C4orf50: variants seen among roughly 807,000 people sequenced by gnomAD.
The protein encoded by C4orf50 is chromosome 4 open reading frame 50, also known as uncharacterized protein C4orf50.
A neutral mutation model predicts 77.2 loss-of-function variants in C4orf50; 80 were observed. The observed-to-expected ratio is 1.04, with a 90% confidence interval of 0.87 to 1.25. The LOEUF (loss-of-function observed/expected upper bound fraction) is 1.25, where lower values mean the gene tolerates loss of function less well. Among genes scored for constraint, C4orf50 ranks in the 50% most tolerant of loss-of-function variants. C4orf50 has a pLI of 0.00. For missense variants in C4orf50, 1,257 were observed against 1,152.9 expected, an observed-to-expected ratio of 1.09 and a Z score of -1.31; for synonymous variants, 532 against 465.3, an observed-to-expected ratio of 1.14 and a Z score of -1.84.
intron 7 of C4orf50, among the ~76,000 whole-genome samples, chr4:5,915,738 C>A (rs553737875): frequency 3.9e-4 from 60 of 152,334 alleles, no homozygotes; most frequent in African/African-American, 1.3e-3. Context: ...GTAATAAACA[C>A]GTGCTCGTTT....
chr4:5,946,149 C>T (rs749256425), intron 7 of C4orf50, among the ~76,000 whole-genome samples: 2 of 152,212 alleles, frequency 1.3e-5, no homozygotes, highest in South Asian at 2.1e-4. Context: ...CTGCTTCCCA[C>T]GCTTGCCACC....
chr4:5,954,447 T>C (rs1718862201), downstream of C4orf50, among the ~76,000 whole-genome samples: 1 of 151,810 alleles, frequency 6.6e-6, no homozygotes, highest in Non-Finnish European at 1.5e-5. The surrounding 1 kb of genome is among the most constrained non-coding windows in gnomAD (Gnocchi z 4.7). Flanking sequence ...CAGGGAGCAA[T>C]GGGCTGAGAT....
chr4:6,003,880 G>GAT lies in C4orf50; in HGVS notation c.963+4115_963+4116insAT, dbSNP rs1721994751. 2.0e-4 allele frequency among the ~76,000 whole-genome samples: 26 copies of GAT among 132,654 alleles called. 1 individual carries two copies. Among genetic ancestry groups the GAT allele is most frequent in the African/African-American group, 7.2e-4 (26 of 35,898 alleles). The allele number at this position is 132,654 out of a possible 152,430, so 87.0% of individuals were successfully genotyped here. On this transcript the variant is annotated intron_variant, in intron 25 of 33. Coordinates refer to ENST00000531445, the Ensembl canonical transcript of C4orf50. Reference sequence around the variant, plus strand: ...TGATGGTGATGGTGATGATGGTGATGGTGATTATGGTGATGATGTGATGGT... The same window carrying GAT: ...TGATGGTGATGGTGATGATGGTGATGATGTGATTATGGTGATGATGTGATGGT...
chr4:5,965,043 G>A, exon 33 of C4orf50: 3 of 1,613,066 alleles, frequency 1.9e-6, no homozygotes, highest in African/African-American at 2.7e-5. Flanking sequence ...ATCCAGTTGG[G>A]CTGTCTGTGC....
chr4:5,966,373 G>A (rs1422778484), intron 32 of C4orf50, among the ~76,000 whole-genome samples: 3 of 152,000 alleles, frequency 2.0e-5, no homozygotes, highest in Non-Finnish European at 4.4e-5. Context: ...TACTCGGGAG[G>A]CTGAGGCAAG....
At chr4:5,899,896 A>G (rs961882652) in intron 7 of C4orf50, 1 of 152,350 alleles carries the variant, frequency 6.6e-6, no homozygotes, top group East Asian at 1.9e-4. Context: ...AAGAATCATC[A>G]GTACAGAATG....
At chr4:5,994,523 A>T in intron 25 of C4orf50, 47 bp from the exon 4 acceptor site, 1 of 399,144 alleles carries the variant, frequency 2.5e-6, no homozygotes, top group East Asian at 3.6e-5. Context: ...TCCTGGCTGA[A>T]GTGTGTACTC....
chr4:5,918,536 G>A (rs1164148493), intron 7 of C4orf50, among the ~76,000 whole-genome samples: 1 of 152,194 alleles, frequency 6.6e-6, no homozygotes, highest in Non-Finnish European at 1.5e-5. Flanking sequence ...TCCAGCCACA[G>A]TGGCTGCAGC....
chr4:5,934,708 C>T (rs560977191), intron 7 of C4orf50, among the ~76,000 whole-genome samples: 3 of 152,344 alleles, frequency 2.0e-5, no homozygotes, highest in African/African-American at 7.2e-5. Context: ...GGCCCGTGAG[C>T]TCCTGAAGCC....
intron 25 of C4orf50, among the ~76,000 whole-genome samples, chr4:6,004,402 ATGGAGATGT>A (rs199623909): frequency 0.012 from 1,113 of 93,444 alleles, 4 homozygotes; most frequent in East Asian, 0.035. Flanking sequence ...GGTGATGGTG[ATGGAGATGT>A]TGGTGATGAT....
intron 7 of C4orf50, among the ~76,000 whole-genome samples, chr4:5,944,755 G>A (rs1265377434): frequency 1.3e-5 from 2 of 152,150 alleles, no homozygotes; most frequent in East Asian, 3.9e-4. Flanking sequence ...GAAGAGGGCA[G>A]CTGGGACAGG....
Position 5,970,222 on chromosome 4 carries a change from G to A in C4orf50, c.4105-2760C>T, listed in dbSNP as rs1197983461. Among the ~76,000 whole-genome samples, 1 of 151,950 alleles carries A rather than the reference G, an allele frequency of 6.6e-6. No individual in the cohort carries two copies. The highest frequency in any genetic ancestry group is 6.6e-5 in the Admixed American group (1 of 15,266). On this transcript the variant is annotated intron_variant, in intron 31 of 33. Coordinates refer to ENST00000531445, the Ensembl canonical transcript of C4orf50. The surrounding 1 kb of genome is among the most constrained non-coding windows in gnomAD (Gnocchi z 4.3). ...GGAAGCAAAACAGGCCCAGGAAGGT[G>A]CCCTGAGCCCTGCTCACTCAAGGCG...
intron 28 of C4orf50, among the ~76,000 whole-genome samples, chr4:5,985,024 A>G (rs905887842): frequency 2.0e-4 from 30 of 152,188 alleles, no homozygotes; most frequent in African/African-American, 7.2e-4. Context: ...AAAAACAATG[A>G]CAATTATGAC....
At chr4:5,984,163 A>T (rs567113131) in intron 28 of C4orf50, among the ~76,000 whole-genome samples, 1 of 152,380 alleles carries the variant, frequency 6.6e-6, no homozygotes, top group East Asian at 1.9e-4. Context: ...GGCCTACACA[A>T]GAATAAGATG....
chr4:5,961,627 C>T (rs1472384711), intron 33 of C4orf50, among the ~76,000 whole-genome samples: 2 of 152,188 alleles, frequency 1.3e-5, no homozygotes, highest in East Asian at 3.9e-4. Context: ...AGATTTGAAC[C>T]CAGGCCATAC....
At chr4:5,921,540 C>A (rs1464594438) in intron 7 of C4orf50, among the ~76,000 whole-genome samples, 10 of 152,096 alleles carry the variant, frequency 6.6e-5, no homozygotes, top group Non-Finnish European at 1.5e-4. Flanking sequence ...ACAGACCCTG[C>A]CAGCATCAAA....
intron 33 of C4orf50, among the ~76,000 whole-genome samples, chr4:5,961,178 G>C (rs958279572): frequency 6.6e-6 from 1 of 152,198 alleles, no homozygotes. Flanking sequence ...AGCTAGGTGT[G>C]GTGGTGCACA....
chr4:5,920,828 C>T (rs1189498497), intron 7 of C4orf50, among the ~76,000 whole-genome samples: 5 of 152,184 alleles, frequency 3.3e-5, no homozygotes, highest in Non-Finnish European at 7.3e-5. Context: ...AGAGCAAACG[C>T]AAACAACTCC....
chr4:5,936,356 G>C (rs1718013207), intron 7 of C4orf50, among the ~76,000 whole-genome samples: 1 of 152,122 alleles, frequency 6.6e-6, no homozygotes, highest in East Asian at 1.9e-4. Context: ...GAAGTCAGGA[G>C]TTGGAGACCA....
Sources: gnomAD v4.1 joint callset for allele counts (sites outside exome capture counted in the v4.1 genomes callset) on GRCh38, gnomAD v4.1.1 for gene constraint, Gnocchi (gnomAD v3.1) non-coding constraint, MANE v1.5 for transcripts, NCBI Gene and HGNC (gene_info 2026-07-23, HGNC 2026-07-21) for gene names.